Variants in ARID1B observed in about 807,000 individuals in gnomAD.
ARID1B encodes AT-rich interaction domain 1B.
ARID1B carries 30 observed loss-of-function variants against 212.3 expected under a neutral mutation model. The observed-to-expected ratio is 0.14, with a 90% CI of 0.11 to 0.19. The LOEUF (loss-of-function observed/expected upper bound fraction) is 0.19. Ranked by LOEUF, ARID1B falls within the 10% of genes least tolerant of loss-of-function variation. The pLI is 1.00. For missense variants in ARID1B, 2,891 were observed against 3,204.0 expected (o/e 0.90, Z 2.36); for synonymous variants, 1,402 against 1,301.7 (o/e 1.08, Z -1.66).
At chr6:156,844,305 C>T (rs958524815) in intron 2 of ARID1B, among the ~76,000 whole-genome samples, 20 of 152,192 alleles carry the variant, frequency 1.3e-4, no homozygotes, top group African/African-American at 7.2e-5. Context: ...TTGGAGCAAG[C>T]GCTCAGGCTT....
intron 7 of ARID1B, among the ~76,000 whole-genome samples, chr6:157,136,953 C>T (rs539966579): frequency 3.5e-4 from 52 of 147,096 alleles, no homozygotes; most frequent in Admixed American, 9.4e-4. Flanking sequence ...TGAGGCAGGC[C>T]GATCGCTTGA....
At chr6:157,009,932 G>A (rs2128450901) in intron 4 of ARID1B, among the ~76,000 whole-genome samples, 1 of 152,326 alleles carries the variant, frequency 6.6e-6, no homozygotes, top group South Asian at 2.1e-4. Context: ...ATGTAATATA[G>A]CCAACCTGTG....
At chr6:156,996,432 T>C (rs926709132) in intron 4 of ARID1B, among the ~76,000 whole-genome samples, 2 of 152,208 alleles carry the variant, frequency 1.3e-5, no homozygotes, top group African/African-American at 4.8e-5. Flanking sequence ...TGGTTAGAGA[T>C]AGGATGATAA....
At chr6:157,130,566 C>T (rs1229564173) in intron 6 of ARID1B, among the ~76,000 whole-genome samples, 1 of 152,172 alleles carries the variant, frequency 6.6e-6, no homozygotes, top group Non-Finnish European at 1.5e-5. Context: ...TTTCATAAGG[C>T]TTATCTTTAT....
intron 3 of ARID1B, among the ~76,000 whole-genome samples, chr6:156,929,379 T>C (rs1791511617): frequency 1.3e-5 from 2 of 152,300 alleles, no homozygotes; most frequent in East Asian, 3.9e-4. Flanking sequence ...GTCTGAAGCC[T>C]AGGGATGATT....
chr6:157,200,997 G>T lies in ARID1B; in HGVS notation c.4772G>T (p.Arg1591Leu). ...EGPQQNMWAA[R>L]NDMPYPYQNR... ...CCTCAGCAGAATATGTGGGCAGCACGCAATGATATGCCTTATCCCTACCAG... is the reference window on the plus strand; with the variant it reads ...CCTCAGCAGAATATGTGGGCAGCACTCAATGATATGCCTTATCCCTACCAG... Residue 1591 changes from arginine to leucine, a missense_variant, in exon 18 of 20, where the codon CGC (arginine) becomes CTC (leucine). By Grantham distance (102) the Arg-to-Leu change is moderately radical. Coordinates refer to ENST00000636930, the MANE Select transcript of ARID1B (RefSeq NM_001374828.1). This position sits in a 1 kb window ranked among gnomAD's most constrained non-coding sequence, Gnocchi z 4.3. 1.2e-6 allele frequency: 2 copies of T among 1,614,128 alleles called. No individual in the cohort carries two copies. The highest frequency in any genetic ancestry group is 1.7e-6 in the Non-Finnish European group (2 of 1,179,990).
At chr6:156,812,441 T>C (rs2127988567) in intron 1 of ARID1B, among the ~76,000 whole-genome samples, 1 of 152,302 alleles carries the variant, frequency 6.6e-6, no homozygotes, top group East Asian at 1.9e-4. Flanking sequence ...CATAGGACAG[T>C]GGCATTTATA....
chr6:156,875,544 A>T (rs1461646040), intron 2 of ARID1B, among the ~76,000 whole-genome samples: 2 of 152,350 alleles, frequency 1.3e-5, no homozygotes, highest in Middle Eastern at 3.4e-3. Context: ...TTCACACTCT[A>T]GATTTTAGCA....
Position 156,892,489 on chromosome 6 carries a change from C to T in ARID1B, c.1987-8887C>T, listed in dbSNP as rs529560720. Reference sequence around the variant, plus strand: ...TGTTATAGAATGATAAAAATGGAGACGAACAGTTTAGACTTCTGTATTAAG... The same window carrying T: ...TGTTATAGAATGATAAAAATGGAGATGAACAGTTTAGACTTCTGTATTAAG... On this transcript the variant is annotated intron_variant, in intron 2 of 19. Transcript: ENST00000636930. Among the ~76,000 whole-genome samples, 6 of 152,178 alleles carry T rather than the reference C, an allele frequency of 3.9e-5. No homozygotes were observed. The South Asian group carries it at 6.2e-4, about 16-fold the overall frequency.
intron 4 of ARID1B, among the ~76,000 whole-genome samples, chr6:157,052,207 A>G (rs555971346): frequency 1.3e-5 from 2 of 152,336 alleles, no homozygotes; most frequent in East Asian, 3.9e-4. Flanking sequence ...TATGTAGTAA[A>G]ATGAAGAAAC....
At position 156,876,963 on chromosome 6, in the gene ARID1B, C is replaced by T. The variant is rs753010552; in HGVS notation, c.1987-24413C>T. Among the ~76,000 whole-genome samples the T allele has an allele frequency of 1.2e-4, 18 of 152,208 alleles. No homozygotes were observed. In the Middle Eastern group the frequency reaches 0.01, roughly 86 times the overall value. The stretch of plus-strand genomic sequence containing the variant: ...AGGCTGGAGTGCAGTGGCGTGATCT[C>T]GGCTCACTGCAACCTCTGCCTCGCA... On this transcript the variant is annotated intron_variant, in intron 2 of 19. Transcript: ENST00000636930.
chr6:157,122,237 G>A (rs1464339528), intron 6 of ARID1B, among the ~76,000 whole-genome samples: 3 of 152,162 alleles, frequency 2.0e-5, no homozygotes, highest in African/African-American at 4.8e-5. Context: ...GATTGAAGTA[G>A]CGTTTTTCCT....
chr6:157,195,392 C>G (rs1224976416), intron 15 of ARID1B: 1 of 152,284 alleles, frequency 6.6e-6, no homozygotes, highest in Non-Finnish European at 1.5e-5. Context: ...CGTGATCCCC[C>G]TCCACAGCAT....
upstream of ARID1B, chr6:156,776,506 G>C (rs1254374013): frequency 6.6e-6 from 1 of 152,146 alleles, no homozygotes; most frequent in African/African-American, 2.4e-5. Context: ...ATGATGAAAG[G>C]TGTCATATAG....
chr6:157,084,943 A>T (rs2128463735), intron 5 of ARID1B, 38 bp downstream of exon 5: 2 of 1,562,818 alleles, frequency 1.3e-6, no homozygotes, highest in Non-Finnish European at 1.7e-6. Context: ...TTACTTTGTG[A>T]TAAAGAGAGA....
chr6:156,812,976 GTATGTA>G (rs1233797562), intron 1 of ARID1B, among the ~76,000 whole-genome samples: 30 of 104,350 alleles, frequency 2.9e-4, no homozygotes, highest in African/African-American at 8.7e-4. Flanking sequence ...GTGTGTGTGT[GTATGTA>G]TATACATACG....
At position 157,148,288 on chromosome 6, in the gene ARID1B, T is replaced by G. The variant is rs1789945654; in HGVS notation, c.2762-336T>G. Among the ~76,000 whole-genome samples, 1 of 152,184 alleles carries G rather than the reference T, an allele frequency of 6.6e-6. No individual in the cohort carries two copies. The highest frequency in any genetic ancestry group is 2.4e-5 in the African/African-American group (1 of 41,454). Reference sequence around the variant, plus strand: ...GGTTAAAATATAAGAATATGTGGTGTTGAATGGATTGAGGCAGCACTCGGT... The same window carrying G: ...GGTTAAAATATAAGAATATGTGGTGGTGAATGGATTGAGGCAGCACTCGGT... On this transcript the variant is annotated intron_variant, in intron 7 of 19. Coordinates refer to ENST00000636930, the MANE Select transcript of ARID1B (RefSeq NM_001374828.1). This position sits in a 1 kb window ranked among gnomAD's most constrained non-coding sequence, Gnocchi z 5.6.
intron 11 of ARID1B, among the ~76,000 whole-genome samples, chr6:157,180,457 T>C (rs564781727): frequency 5.1e-4 from 78 of 152,318 alleles, no homozygotes; most frequent in Non-Finnish European, 1.0e-3. Flanking sequence ...CTTATATTTT[T>C]CAGCAAGCAC....
intron 4 of ARID1B, among the ~76,000 whole-genome samples, chr6:157,004,516 T>C (rs894035715): frequency 6.6e-6 from 1 of 152,204 alleles, no homozygotes; most frequent in Admixed American, 6.5e-5. Context: ...ACTGGGGCCA[T>C]GGAAGGAGAT....
Sources: allele counts gnomAD v4.1 joint callset (sites outside exome capture counted in the v4.1 genomes callset), GRCh38; gene constraint gnomAD v4.1.1; non-coding constraint Gnocchi (gnomAD v3.1); transcripts MANE v1.5; gene names NCBI Gene and HGNC (gene_info 2026-07-23, HGNC 2026-07-21).